NRXN3: variants seen among roughly 807,000 people sequenced by gnomAD.
The protein encoded by NRXN3 is neurexin III.
In NRXN3, 32 loss-of-function variants were observed where a neutral mutation model predicts 137.6. The ratio of observed to expected loss-of-function variants is 0.23; its 90% CI spans 0.18 to 0.31. The LOEUF is 0.31. Ranked by LOEUF, NRXN3 falls within the 10% of genes least tolerant of loss-of-function variation. The probability of loss-of-function intolerance (pLI) is 1.00; values close to 1 mark genes in which losing one functional copy is unlikely to be tolerated. For synonymous variants in NRXN3, 798 were observed against 784.5 expected, an observed-to-expected ratio of 1.02 and a Z score of -0.29; for missense variants, 1,574 against 2,062.5, an observed-to-expected ratio of 0.76 and a Z score of 4.59.
chr14:78,962,722 CT>C (rs34252004), intron 11 of NRXN3, among the ~76,000 whole-genome samples: 3 of 150,486 alleles, frequency 2.0e-5, no homozygotes, highest in African/African-American at 4.9e-5. Flanking sequence ...TTCTTTCTTT[CT>C]TTTTTTTTGA....
At chr14:78,696,186 T>G (rs1228999348) in intron 6 of NRXN3, among the ~76,000 whole-genome samples, 1 of 152,030 alleles carries the variant, frequency 6.6e-6, no homozygotes, top group Non-Finnish European at 1.5e-5. Context: ...AATCTTAGTT[T>G]CTCTTCTGTT....
chr14:78,922,452 G>A (rs1276195001), intron 10 of NRXN3, among the ~76,000 whole-genome samples: 1 of 152,204 alleles, frequency 6.6e-6, no homozygotes, highest in Non-Finnish European at 1.5e-5. Flanking sequence ...GTGTATCAGA[G>A]TATGTTGAAT....
chr14:78,862,231 T>C (rs1204924763), intron 10 of NRXN3, among the ~76,000 whole-genome samples: 1 of 148,292 alleles, frequency 6.7e-6, no homozygotes, highest in Admixed American at 6.7e-5. Flanking sequence ...ATAACAAGAT[T>C]GTTATAAATA....
At position 79,648,149 on chromosome 14, in the gene NRXN3, C is replaced by T. The variant is rs1268669392; in HGVS notation, c.3445-15629C>T. 2.2e-5 allele frequency among the ~76,000 whole-genome samples: 3 copies of T among 134,386 alleles called. 1 individual carries two copies. In the Admixed American group the frequency reaches 2.4e-4, roughly 11 times the overall value. The allele number at this position is 134,386 out of a possible 152,430, so 88.2% of individuals were successfully genotyped here. ...AGAGAGGTTGCTACTTATATGGTAG[C>T]AAAAGTATTTCCCTTCCCTACTTAC... is the stretch of plus-strand genomic sequence containing the variant. On this transcript the variant is annotated intron_variant, in intron 16 of 20. Transcript: ENST00000335750.
chr14:79,054,424 G>C (rs1413463159), intron 15 of NRXN3, among the ~76,000 whole-genome samples: 1 of 152,140 alleles, frequency 6.6e-6, no homozygotes, highest in Non-Finnish European at 1.5e-5. Flanking sequence ...GAGCTTCCTT[G>C]ATGACCATCT....
chr14:79,110,059 T>G (rs2053197736), intron 15 of NRXN3, among the ~76,000 whole-genome samples: 1 of 152,218 alleles, frequency 6.6e-6, no homozygotes, highest in South Asian at 2.1e-4. Flanking sequence ...ATGTTTTGTT[T>G]GTAGGTAGAT....
intron 19 of NRXN3, among the ~76,000 whole-genome samples, chr14:79,712,780 T>C (rs547866382): frequency 6.6e-6 from 1 of 152,186 alleles, no homozygotes; most frequent in African/African-American, 2.4e-5. Context: ...CCTGCTTTAG[T>C]CTGGGCTGGG....
intron 4 of NRXN3, among the ~76,000 whole-genome samples, chr14:78,313,343 A>G (rs2365682): frequency 0.55 from 84,160 of 151,976 alleles, 23,804 homozygotes; most frequent in African/African-American, 0.67. Flanking sequence ...CTGCATTCCC[A>G]TTTACTGGCT....
chr14:79,541,713 GA>G (rs1555512672), intron 16 of NRXN3, among the ~76,000 whole-genome samples: 10 of 152,124 alleles, frequency 6.6e-5, no homozygotes. Flanking sequence ...TCTATCTCTG[GA>G]AAATGACTAT....
chr14:79,163,801 G>C (rs559074035), intron 15 of NRXN3, among the ~76,000 whole-genome samples: 3 of 151,998 alleles, frequency 2.0e-5, no homozygotes, highest in East Asian at 1.9e-4. Context: ...AACTGCAAAA[G>C]GTGGTACAGT....
chr14:78,300,748 A>G, intron 4 of NRXN3: 2 of 1,209,236 alleles, frequency 1.7e-6, no homozygotes, highest in Non-Finnish European at 2.4e-6. Flanking sequence ...TGAAATATTC[A>G]TGCATCCAAG....
rs146467059 is a variant in NRXN3, at chr14:78,955,337, T to A, written c.2276-1905T>A. Among the ~76,000 whole-genome samples, 21 of 152,348 alleles carry A rather than the reference T, an allele frequency of 1.4e-4. No homozygotes were observed. In the East Asian group the frequency reaches 4.1e-3, roughly 29 times the overall value. ...CACTGTTGGCTGTTGTGATGGCAAC[T>A]GTTACATCAATCTTAGACCTGAACT... is the stretch of plus-strand genomic sequence containing the variant. On this transcript the variant is annotated intron_variant, in intron 10 of 20. Coordinates refer to ENST00000335750, the MANE Select transcript of NRXN3 (RefSeq NM_001330195.2).
rs561189418 is a variant in NRXN3, at chr14:79,727,459, C to T, written c.4014+29522C>T. ...CCTTGGGATCACTTCTACTTTTCAA[C>T]AAAGAGCAAGGGACAGTAATTGCAA... is the stretch of plus-strand genomic sequence containing the variant. On this transcript the variant is annotated intron_variant, in intron 19 of 20. Coordinates refer to ENST00000335750, the MANE Select transcript of NRXN3 (RefSeq NM_001330195.2). Among the ~76,000 whole-genome samples, 202 of 152,266 alleles carry T rather than the reference C, an allele frequency of 1.3e-3. 5 individuals are homozygous for T. In the South Asian group the frequency reaches 0.04, roughly 30 times the overall value.
intron 16 of NRXN3, among the ~76,000 whole-genome samples, chr14:79,531,550 C>T (rs1312996211): frequency 6.6e-6 from 1 of 152,098 alleles, no homozygotes; most frequent in Non-Finnish European, 1.5e-5. Flanking sequence ...ACATTGATGA[C>T]ATTTCGCAGA....
chr14:79,471,713 A>T (rs1600788583), intron 16 of NRXN3, among the ~76,000 whole-genome samples: 3 of 152,136 alleles, frequency 2.0e-5, no homozygotes, highest in Admixed American at 1.3e-4. Context: ...GTTGTGTGGG[A>T]TGGTAGAAAT....
intron 16 of NRXN3, among the ~76,000 whole-genome samples, chr14:79,561,420 T>C (rs2097495583): frequency 1.3e-5 from 2 of 152,168 alleles, no homozygotes; most frequent in Non-Finnish European, 2.9e-5. Context: ...TATTTAAATA[T>C]ATCTGTGGGC....
chr14:79,578,523 A>G (rs2097686478), intron 16 of NRXN3, among the ~76,000 whole-genome samples: 1 of 152,146 alleles, frequency 6.6e-6, no homozygotes, highest in South Asian at 2.1e-4. Context: ...AACCCCCACC[A>G]TAAGTCACAT....
chr14:79,512,643 T>C (rs1215029821), intron 16 of NRXN3, among the ~76,000 whole-genome samples: 2 of 152,204 alleles, frequency 1.3e-5, no homozygotes, highest in East Asian at 1.9e-4. Context: ...GATTGAGAAA[T>C]TGGACAAACA....
intron 15 of NRXN3, among the ~76,000 whole-genome samples, chr14:79,264,888 T>G (rs567201864): frequency 1.3e-5 from 2 of 152,126 alleles, no homozygotes; most frequent in Non-Finnish European, 2.9e-5. Context: ...AGAATTTATC[T>G]GCTACTATGC....
Sources: allele counts gnomAD v4.1 joint callset (sites outside exome capture counted in the v4.1 genomes callset), GRCh38; gene constraint gnomAD v4.1.1; transcripts MANE v1.5; gene names NCBI Gene and HGNC (gene_info 2026-07-23, HGNC 2026-07-21).